Variants in LRRC1 observed in about 807,000 individuals in gnomAD.
LRRC1 encodes leucine rich repeat containing 1, also known as leucine-rich repeat-containing protein 1.
LRRC1 carries 28 observed loss-of-function variants against 69.9 expected under a neutral mutation model. That is an observed-to-expected ratio of 0.40 (90% CI 0.30 to 0.55). The LOEUF is 0.55. Among genes scored for constraint, LRRC1 ranks in the 20% least tolerant of loss-of-function variants. The pLI, the probability that LRRC1 is intolerant of heterozygous loss-of-function variation, is 0.47. For synonymous variants in LRRC1, 236 were observed against 240.2 expected (o/e 0.98, Z 0.16); for missense variants, 498 against 609.0 (o/e 0.82, Z 1.92).
At chr6:53,892,119 G>C (rs937209702) in intron 4 of LRRC1, among the ~76,000 whole-genome samples, 1 of 151,326 alleles carries the variant, frequency 6.6e-6, no homozygotes, top group Non-Finnish European at 1.5e-5. Context: ...TTACCAACTC[G>C]AGTGAGAGGC....
chr6:53,838,566 A>C (rs1281094848), intron 1 of LRRC1, among the ~76,000 whole-genome samples: 1 of 152,348 alleles, frequency 6.6e-6, no homozygotes, highest in East Asian at 1.9e-4. Context: ...CCTAGAAAAC[A>C]AAGTGAGCTT....
At chr6:53,888,494 A>G (rs543737584) in intron 4 of LRRC1, among the ~76,000 whole-genome samples, 1 of 152,350 alleles carries the variant, frequency 6.6e-6, no homozygotes, top group South Asian at 2.1e-4. Context: ...ATGGGTTGAT[A>G]CTTAATATTG....
Position 53,904,471 on chromosome 6 carries a change from T to G in LRRC1, c.990+9T>G, listed in dbSNP as rs758517415. The stretch of plus-strand genomic sequence containing the variant: ...TGTCCTTACCAAAAGAGGTATGTGC[T>G]TTTAGAGAAATCACATGATAATAAT... On this transcript the variant is annotated intron_variant, in intron 10 of 13. Coordinates refer to ENST00000370888, the MANE Select transcript of LRRC1 (RefSeq NM_018214.5). 1 of 1,538,116 alleles carries G rather than the reference T, an allele frequency of 6.5e-7. No individual in the cohort carries two copies. Among genetic ancestry groups the G allele is most frequent in the East Asian group, 2.3e-5 (1 of 44,338 alleles).
At chr6:53,891,999 A>AAAAT (rs1554185481) in intron 4 of LRRC1, among the ~76,000 whole-genome samples, 4 of 133,682 alleles carry the variant, frequency 3.0e-5, no homozygotes, top group African/African-American at 1.2e-4. Context: ...CTAAAAAAAA[A>AAAAT]ATATATATAT....
chr6:53,872,922 A>G (rs532006805), intron 2 of LRRC1, among the ~76,000 whole-genome samples: 35 of 151,800 alleles, frequency 2.3e-4, no homozygotes, highest in African/African-American at 8.5e-4. Flanking sequence ...GCACCTGGCT[A>G]ATTTTTGTAT....
chr6:53,896,392 GTTTT>G, intron 4 of LRRC1, 102 bp from the exon 5 acceptor site: 1 of 894,556 alleles, frequency 1.1e-6, no homozygotes, highest in Non-Finnish European at 1.8e-6. Flanking sequence ...GACCTACTAG[GTTTT>G]ATTAAGTGTT....
intron 2 of LRRC1, among the ~76,000 whole-genome samples, chr6:53,857,025 G>C (rs1766331670): frequency 2.0e-5 from 3 of 152,186 alleles, no homozygotes. Flanking sequence ...GAGGGTAAAA[G>C]ATGAGTTTAT....
chr6:53,861,681 G>C (rs1179316049), intron 2 of LRRC1, among the ~76,000 whole-genome samples: 1 of 152,020 alleles, frequency 6.6e-6, no homozygotes, highest in East Asian at 1.9e-4. Flanking sequence ...GGGCCAAAGG[G>C]CTTCTCCTGC....
chr6:53,907,019 G>A (rs939962316), intron 10 of LRRC1, among the ~76,000 whole-genome samples: 1 of 152,204 alleles, frequency 6.6e-6, no homozygotes, highest in Non-Finnish European at 1.5e-5. Context: ...GGGCTGAGCA[G>A]CCAAACCAGC....
chr6:53,851,727 A>G (rs1766144800), intron 2 of LRRC1, among the ~76,000 whole-genome samples: 1 of 152,174 alleles, frequency 6.6e-6, no homozygotes, highest in Non-Finnish European at 1.5e-5. Context: ...ATGCGCACAC[A>G]CACATACACA....
At position 53,880,237 on chromosome 6, in the gene LRRC1, G is replaced by A. The variant is rs141079948; in HGVS notation, c.356+1166G>A. On this transcript the variant is annotated intron_variant, in intron 3 of 13. Transcript: ENST00000370888. ...ATTTCTGCTTGTCCTTCTTTGAATT[G>A]TAGTGATTAAGTTGCATGTAACATT... Among the ~76,000 whole-genome samples the A allele has an allele frequency of 4.6e-5, 7 of 152,030 alleles. No individual in the cohort carries two copies. In the East Asian group the frequency reaches 1.4e-3, roughly 29 times the overall value.
intron 4 of LRRC1, 50 bp from the exon 5 acceptor site, chr6:53,896,448 G>T: frequency 6.7e-7 from 1 of 1,483,934 alleles, no homozygotes; most frequent in South Asian, 1.1e-5. Flanking sequence ...GAGGTAGGAA[G>T]AATCTCAGGA....
At chr6:53,840,927 T>TGCGCGCGTGCGC (rs1554181920) in intron 1 of LRRC1, among the ~76,000 whole-genome samples, 1 of 132,606 alleles carries the variant, frequency 7.5e-6, no homozygotes, top group African/African-American at 2.7e-5. Flanking sequence ...TGTGTGTGTG[T>TGCGCGCGTGCGC]GCGTGCGCGC....
chr6:53,859,076 T>C (rs2127422347), intron 2 of LRRC1, among the ~76,000 whole-genome samples: 1 of 152,174 alleles, frequency 6.6e-6, no homozygotes, highest in East Asian at 1.9e-4. Flanking sequence ...GGAAGATTCT[T>C]GGCTAAGAGA....
At chr6:53,897,091 C>T (rs1232951769) in intron 6 of LRRC1, among the ~76,000 whole-genome samples, 194 bp from the exon 7 acceptor site, 1 of 152,174 alleles carries the variant, frequency 6.6e-6, no homozygotes, top group African/African-American at 2.4e-5. Context: ...AGATGATGGA[C>T]ATAGGTGGAA....
rs145110915 is a variant in LRRC1 at position 53,912,380 on chromosome 6, A to G, written c.991-1474A>G. On this transcript the variant is annotated intron_variant, in intron 10 of 13. Transcript: ENST00000370888. Reference sequence around the variant, plus strand: ...TGGTAAGATTTAAAAAGGCATTTCTATAAAAAACAATGGGATCAAAAATAT... The same window carrying G: ...TGGTAAGATTTAAAAAGGCATTTCTGTAAAAAACAATGGGATCAAAAATAT... Among the ~76,000 whole-genome samples the G allele has an allele frequency of 2.1e-4, 32 of 152,336 alleles. No individual in the cohort carries two copies. In the East Asian group the frequency reaches 5.8e-3, roughly 28 times the overall value.
chr6:53,905,592 A>G (rs1233014454), intron 10 of LRRC1, among the ~76,000 whole-genome samples: 4 of 152,014 alleles, frequency 2.6e-5, no homozygotes, highest in Admixed American at 2.0e-4. Context: ...TCTAACGTCT[A>G]TTTTGGTGTA....
intron 1 of LRRC1, among the ~76,000 whole-genome samples, chr6:53,822,185 C>T (rs75193956): frequency 0.012 from 1,748 of 151,974 alleles, 34 homozygotes; most frequent in African/African-American, 0.04. Flanking sequence ...ACATAGCAAT[C>T]GAGGGAGGAA....
intron 3 of LRRC1, among the ~76,000 whole-genome samples, chr6:53,879,708 T>C (rs572117810): frequency 6.6e-6 from 1 of 152,258 alleles, no homozygotes; most frequent in African/African-American, 2.4e-5. Context: ...TTCTTTTTTT[T>C]TTTTCCCTGC....
Sources: allele counts gnomAD v4.1 joint callset (sites outside exome capture counted in the v4.1 genomes callset), GRCh38; gene constraint gnomAD v4.1.1; transcripts MANE v1.5; gene names NCBI Gene and HGNC (gene_info 2026-07-23, HGNC 2026-07-21).